EDA: variants seen among roughly 807,000 people sequenced by gnomAD.
EDA encodes ectodysplasin A.
In EDA, 2 loss-of-function variants were observed where a neutral mutation model predicts 23.6. The observed-to-expected ratio is 0.08, with a 90% CI of 0.03 to 0.27. The LOEUF (loss-of-function observed/expected upper bound fraction) is 0.27. EDA is among the 10% of genes least tolerant of loss of function. The probability of loss-of-function intolerance (pLI) is 1.00; values close to 1 mark genes in which losing one functional copy is unlikely to be tolerated. For synonymous variants in EDA, 131 were observed against 132.0 expected (o/e 0.99, Z 0.05); for missense variants, 229 against 324.2 (o/e 0.71, Z 2.26).
intron 1 of EDA, among the ~76,000 whole-genome samples, chrX:69,908,023 T>C (rs1260969079): frequency 8.9e-6 from 1 of 111,773 alleles, no homozygotes; most frequent in Non-Finnish European, 1.9e-5. Context: ...TCCCTGATTT[T>C]CTCAGAGAGG....
intron 2 of EDA, among the ~76,000 whole-genome samples, chrX:69,975,138 C>T (rs1240379385): frequency 3.6e-5 from 4 of 111,666 alleles, no homozygotes; most frequent in East Asian, 5.7e-4. Flanking sequence ...GAAAATAAAC[C>T]ATTCTACCAA....
intron 1 of EDA, among the ~76,000 whole-genome samples, chrX:69,787,609 G>A (rs2015238579): frequency 9.1e-6 from 1 of 109,933 alleles, no homozygotes; most frequent in Non-Finnish European, 1.9e-5. Context: ...TAGGAATGTT[G>A]AATATTGGCC....
intron 1 of EDA, among the ~76,000 whole-genome samples, chrX:69,921,360 A>T (rs756360745): frequency 1.8e-5 from 2 of 111,694 alleles, no homozygotes; most frequent in Admixed American, 9.6e-5. Context: ...TGTGTATACT[A>T]GCCCATGTAT....
At chrX:69,773,169 C>T (rs1167493063) in intron 1 of EDA, among the ~76,000 whole-genome samples, 4 of 112,287 alleles carry the variant, frequency 3.6e-5, no homozygotes, top group African/African-American at 9.7e-5. Flanking sequence ...ATGATACACA[C>T]CTTTACGATT....
intron 1 of EDA, among the ~76,000 whole-genome samples, chrX:69,745,484 A>T (rs2013589629): frequency 9.0e-6 from 1 of 111,597 alleles, no homozygotes; most frequent in African/African-American, 3.3e-5. Flanking sequence ...ACAAAAAAAC[A>T]AAACCAAAAA....
intron 1 of EDA, among the ~76,000 whole-genome samples, chrX:69,758,288 A>G (rs188400853): frequency 8.9e-6 from 1 of 112,228 alleles, no homozygotes; most frequent in African/African-American, 3.2e-5. Flanking sequence ...CCAGTTGGGT[A>G]GAGGGTAAGA....
At chrX:69,940,281 T>G (rs1012385541) in intron 1 of EDA, among the ~76,000 whole-genome samples, 13 of 111,551 alleles carry the variant, frequency 1.2e-4, no homozygotes, top group African/African-American at 4.2e-4. Flanking sequence ...TATTAGTCTG[T>G]TCAGGTGATG....
At chrX:69,795,548 A>G (rs2015520824) in intron 1 of EDA, among the ~76,000 whole-genome samples, 1 of 112,918 alleles carries the variant, frequency 8.9e-6, no homozygotes, top group Admixed American at 9.3e-5. Flanking sequence ...ATCATTAAAA[A>G]CATAATCTGA....
At position 70,022,181 on chromosome X, in the gene EDA, C is replaced by T. The variant is rs145854114; in HGVS notation, c.503-1037C>T. Among the ~76,000 whole-genome samples the T allele has an allele frequency of 1.7e-3, 187 of 110,260 alleles. 2 individuals carry two copies. In the East Asian group the frequency reaches 0.038, roughly 23 times the overall value. ...GCGACCTAAACTGTTTGGGGAGTTG[C>T]GGTCACCTAACTATGTTAGAAACAC... On this transcript the variant is annotated intron_variant, in intron 2 of 7. Coordinates refer to ENST00000374552, the MANE Select transcript of EDA (RefSeq NM_001399.5).
intron 1 of EDA, among the ~76,000 whole-genome samples, chrX:69,812,234 G>A: frequency 8.9e-6 from 1 of 111,896 alleles, no homozygotes; most frequent in Non-Finnish European, 1.9e-5. Flanking sequence ...TGAAAATTAA[G>A]ATGTAGTAGT....
chrX:69,811,860 C>T (rs1240241399), intron 1 of EDA, among the ~76,000 whole-genome samples: 1 of 111,589 alleles, frequency 9.0e-6, no homozygotes, highest in East Asian at 2.8e-4. Context: ...GTTTCCTGTG[C>T]TGGTTGTGCC....
chrX:69,832,212 G>A (rs2016630514), intron 1 of EDA, among the ~76,000 whole-genome samples: 1 of 111,742 alleles, frequency 8.9e-6, no homozygotes, highest in South Asian at 3.7e-4. Flanking sequence ...GTTAATTTTT[G>A]TATAAGGTGT....
intron 1 of EDA, among the ~76,000 whole-genome samples, chrX:69,774,767 T>C (rs895517663): frequency 3.6e-5 from 4 of 111,662 alleles, no homozygotes; most frequent in Admixed American, 9.6e-5. Context: ...AGATTAAATA[T>C]ACAAATGTAA....
chrX:69,750,302 C>T (rs2520396), intron 1 of EDA, among the ~76,000 whole-genome samples: 33,772 of 105,335 alleles, frequency 0.32, 5,005 homozygotes, highest in Middle Eastern at 0.57. Flanking sequence ...GATAGTTTGC[C>T]CAGAATGATG....
chrX:69,873,079 C>G (rs1317539348), intron 1 of EDA, among the ~76,000 whole-genome samples: 1 of 111,821 alleles, frequency 8.9e-6, no homozygotes, highest in Non-Finnish European at 1.9e-5. Context: ...AATTGGAAAG[C>G]AACTCCAAAA....
In EDA at chrX:69,970,263, G is replaced by GT. The variant is rs1192490103; in HGVS notation, c.502+13132dup. ...AGCTTTGTGGCCTTGGCCAAGTCAT[G>GT]TAACCTCTCTCAAGCTAACTTTTCT... On this transcript the variant is annotated intron_variant, in intron 2 of 7. Coordinates refer to ENST00000374552, the MANE Select transcript of EDA (RefSeq NM_001399.5). Among the ~76,000 whole-genome samples the GT allele has an allele frequency of 4.4e-5, 5 of 112,818 alleles. 1 individual carries two copies. Among genetic ancestry groups the GT allele is most frequent in the Admixed American group, 9.4e-5 (1 of 10,693 alleles).
intron 1 of EDA, among the ~76,000 whole-genome samples, chrX:69,753,681 G>A (rs2013985499): frequency 9.0e-6 from 1 of 111,390 alleles, no homozygotes; most frequent in African/African-American, 3.3e-5. Flanking sequence ...GGATGTTAAA[G>A]TCTCCCATTA....
chrX:69,759,017 G>C (rs1481743737), intron 1 of EDA, among the ~76,000 whole-genome samples: 1 of 112,352 alleles, frequency 8.9e-6, no homozygotes, highest in East Asian at 2.8e-4. Context: ...AATGCATTTT[G>C]ATCTTTAAAG....
chrX:69,625,330 A>G (rs1932343322), intron 1 of EDA, among the ~76,000 whole-genome samples: 1 of 111,320 alleles, frequency 9.0e-6, no homozygotes, highest in South Asian at 3.8e-4. Flanking sequence ...AGTAAGAATT[A>G]TCTAGGATAA....
Sources: allele counts gnomAD v4.1 joint callset (sites outside exome capture counted in the v4.1 genomes callset), GRCh38; gene constraint gnomAD v4.1.1; transcripts MANE v1.5; gene names NCBI Gene and HGNC (gene_info 2026-07-23, HGNC 2026-07-21).